The following ABTB3 variants were observed in gnomAD, a reference collection of about 807,000 sequenced individuals.
The protein encoded by ABTB3 is ankyrin repeat and BTB domain containing 3.
chr12:107,599,340 G>A, the ABTB3 span, among the ~76,000 whole-genome samples: 1 of 152,198 alleles, frequency 6.6e-6, no homozygotes, highest in African/African-American at 2.4e-5. Context: ...TTTAATAGAT[G>A]AGAAAGTGGA....
chr12:107,547,871 C>A, the ABTB3 span, among the ~76,000 whole-genome samples: 1 of 152,208 alleles, frequency 6.6e-6, no homozygotes, highest in African/African-American at 2.4e-5. Context: ...CCATGCCTGG[C>A]ACAAGGGGAG....
At chr12:107,340,395 C>T in the ABTB3 span, among the ~76,000 whole-genome samples, 4 of 152,210 alleles carry the variant, frequency 2.6e-5, no homozygotes, top group African/African-American at 9.6e-5. Context: ...CACACTCACA[C>T]TGTGCAGGGC....
chr12:107,336,275 CG>C, the ABTB3 span, among the ~76,000 whole-genome samples: 1 of 152,194 alleles, frequency 6.6e-6, no homozygotes, highest in South Asian at 2.1e-4. Flanking sequence ...CAAACGCTGA[CG>C]TGAGCAAATG....
the ABTB3 span, among the ~76,000 whole-genome samples, chr12:107,514,756 C>T: frequency 3.9e-3 from 597 of 152,242 alleles, 6 homozygotes; most frequent in Middle Eastern, 0.014. Context: ...TGTAATAGAT[C>T]AATTATAGAT....
At chr12:107,509,339 T>C in the ABTB3 span, among the ~76,000 whole-genome samples, 13 of 152,230 alleles carry the variant, frequency 8.5e-5, no homozygotes, top group Non-Finnish European at 7.3e-5. Flanking sequence ...AAAACAAAGA[T>C]GGAGAATTTT....
the ABTB3 span, among the ~76,000 whole-genome samples, chr12:107,645,391 C>T: frequency 6.6e-6 from 1 of 152,148 alleles, no homozygotes; most frequent in Non-Finnish European, 1.5e-5. Flanking sequence ...TAGCCATAAT[C>T]CCCACCTTAC....
the ABTB3 span, among the ~76,000 whole-genome samples, chr12:107,385,300 C>T: frequency 0.024 from 3,683 of 152,136 alleles, 144 homozygotes; most frequent in African/African-American, 0.085. Context: ...GAATACTTTC[C>T]AGCAGTGATG....
At chr12:107,604,077 G>A in the ABTB3 span, among the ~76,000 whole-genome samples, 3 of 152,064 alleles carry the variant, frequency 2.0e-5, no homozygotes, top group African/African-American at 4.8e-5. Flanking sequence ...GCTGAGGCAG[G>A]AGAATGGCGT....
At chr12:107,346,342 G>T in the ABTB3 span, among the ~76,000 whole-genome samples, 2 of 152,194 alleles carry the variant, frequency 1.3e-5, no homozygotes, top group Non-Finnish European at 2.9e-5. Context: ...TCTAGGAGGA[G>T]AAGCATCCAG....
the ABTB3 span, among the ~76,000 whole-genome samples, chr12:107,454,445 GT>G: frequency 6.6e-6 from 1 of 152,200 alleles, no homozygotes; most frequent in African/African-American, 2.4e-5. Flanking sequence ...GGTTAGGGGG[GT>G]TCATCCAGGA....
the ABTB3 span, chr12:107,657,730 C>G: frequency 1.9e-6 from 3 of 1,612,920 alleles, no homozygotes; most frequent in Non-Finnish European, 2.5e-6. Context: ...ACGCCTAGTG[C>G]AGGGAATGCT....
the ABTB3 span, among the ~76,000 whole-genome samples, chr12:107,472,032 T>C: frequency 2.6e-5 from 4 of 152,126 alleles, no homozygotes; most frequent in Non-Finnish European, 5.9e-5. Flanking sequence ...ACCTCTTGAA[T>C]CTAAAGAAGG....
the ABTB3 span, among the ~76,000 whole-genome samples, chr12:107,507,837 A>G: frequency 3.3e-5 from 5 of 152,216 alleles, no homozygotes. Context: ...ATCCTAGGTC[A>G]GCTCAACAAT....
At chr12:107,404,787 A>G in the ABTB3 span, among the ~76,000 whole-genome samples, 1 of 152,082 alleles carries the variant, frequency 6.6e-6, no homozygotes, top group Non-Finnish European at 1.5e-5. Flanking sequence ...GGCGGCCCCA[A>G]TCAGAGCTCT....
the ABTB3 span, among the ~76,000 whole-genome samples, chr12:107,414,716 C>CTTTTTTT: frequency 6.9e-6 from 1 of 144,782 alleles, no homozygotes; most frequent in Non-Finnish European, 1.5e-5. Context: ...CTTTTCTTTT[C>CTTTTTTT]TTTTTCTTTT....
At chr12:107,588,280 G>A in the ABTB3 span, among the ~76,000 whole-genome samples, 316 of 152,324 alleles carry the variant, frequency 2.1e-3, 4 homozygotes, top group African/African-American at 7.3e-3. Flanking sequence ...TATCTTTTGG[G>A]GGGACACATG....
the ABTB3 span, among the ~76,000 whole-genome samples, chr12:107,393,512 G>A: frequency 6.6e-6 from 1 of 152,212 alleles, no homozygotes. Flanking sequence ...ACCACAGTCA[G>A]GCATTGTGTG....
the ABTB3 span, among the ~76,000 whole-genome samples, chr12:107,455,237 A>T: frequency 6.6e-6 from 1 of 152,218 alleles, no homozygotes; most frequent in Admixed American, 6.5e-5. Context: ...GTGGGGATAA[A>T]TCTGCACCAC....
At chr12:107,574,698 C>G in the ABTB3 span, among the ~76,000 whole-genome samples, 6 of 152,026 alleles carry the variant, frequency 3.9e-5, no homozygotes, top group South Asian at 1.2e-3. Context: ...GAGCGGGACT[C>G]CATCTATAAA....
Sources: gnomAD v4.1 joint callset for allele counts (sites outside exome capture counted in the v4.1 genomes callset) on GRCh38, gnomAD v4.1.1 for gene constraint, MANE v1.5 for transcripts, NCBI Gene and HGNC (gene_info 2026-07-23, HGNC 2026-07-21) for gene names.